Variants in DOLPP1 observed in about 807,000 individuals in gnomAD.
DOLPP1 encodes dolichyl pyrophosphate phosphatase 1.
DOLPP1 carries 15 observed loss-of-function variants against 34.1 expected under a neutral mutation model. That is an observed-to-expected ratio of 0.44 (90% CI 0.29 to 0.68). The LOEUF is 0.68. DOLPP1 is among the 30% of genes least tolerant of loss of function. The pLI is 0.12. For synonymous variants in DOLPP1, 130 were observed against 128.2 expected (o/e 1.01, Z -0.10); for missense variants, 249 against 307.1 (o/e 0.81, Z 1.41).
At chr9:129,087,209 A>G (rs921220149) in intron 7 of DOLPP1, among the ~76,000 whole-genome samples, 2 of 152,202 alleles carry the variant, frequency 1.3e-5, no homozygotes, top group Non-Finnish European at 2.9e-5. Flanking sequence ...TTGTGCAGCA[A>G]GTCAGGACAG....
chr9:129,081,308 C>A (rs1006993291), intron 1 of DOLPP1, 101 bp downstream of exon 1: 11 of 1,458,122 alleles, frequency 7.5e-6, no homozygotes, highest in South Asian at 1.2e-5. Flanking sequence ...GCCGGGGGAC[C>A]GGGGTGGGAA....
chr9:129,082,901 C>T (rs1347015998), intron 1 of DOLPP1, among the ~76,000 whole-genome samples: 1 of 152,198 alleles, frequency 6.6e-6, no homozygotes, highest in East Asian at 1.9e-4. Flanking sequence ...GTCTGGATGG[C>T]AGATTCTCCC....
rs1359450130 is a variant in DOLPP1, at chr9:129,081,146, A to G, written c.15A>G (p.Gly5=). 4 of 1,609,280 alleles carry G rather than the reference A, an allele frequency of 2.5e-6. No individual in the cohort carries two copies. Among genetic ancestry groups the G allele is most frequent in the South Asian group, 2.2e-5 (2 of 90,982 alleles). The change falls in exon 1 of 8, where the codon GGA becomes GGG. Residue 5 remains glycine, a synonymous_variant. Transcript: ENST00000372546. ...CTCCGGGTAAGATGGCAGCGGACGG[A>G]CAGTGCTCGCTCCCCGCTTCATGGC... is the stretch of plus-strand genomic sequence containing the variant. MAAD[G]QCSLPASWRP...
rs1465575071 is a variant in DOLPP1, at chr9:129,090,191, C to T, written c.*1184C>T. ...CCCTTTCTTTGTGGAGTTTCCTAAC[C>T]TGCTGCTGAAGCACAATGTTTTGGT... On this transcript the variant is annotated 3_prime_UTR_variant, in exon 8 of 8. Coordinates refer to ENST00000372546, the MANE Select transcript of DOLPP1 (RefSeq NM_020438.5). 2 of 152,620 alleles carry T rather than the reference C, an allele frequency of 1.3e-5. No individual in the cohort carries two copies. Among genetic ancestry groups the T allele is most frequent in the African/African-American group, 2.4e-5 (1 of 41,442 alleles). The allele number at this position is 152,620 out of a possible 1,614,324, so 9.5% of individuals were successfully genotyped here. A position where few individuals can be genotyped will look rare whatever the true frequency, so the allele number is the denominator to read the frequency against.
intron 1 of DOLPP1, among the ~76,000 whole-genome samples, chr9:129,082,804 G>C (rs1230927770): frequency 6.6e-6 from 1 of 152,206 alleles, no homozygotes; most frequent in Non-Finnish European, 1.5e-5. Flanking sequence ...CCTGTGCTGG[G>C]CTTGGGGGAT....
Position 129,085,193 on chromosome 9 carries a change from C to T in DOLPP1, c.263-14C>T, listed in dbSNP as rs758862977. The stretch of plus-strand genomic sequence containing the variant: ...GCATCCCCCCGTGATGCCCTGGTCT[C>T]CTCTCTCTCCCAGGCCCCCACACAG... On this transcript the variant is annotated splice_polypyrimidine_tract_variant and intron_variant, in intron 3 of 7. Transcript: ENST00000372546. The surrounding 1 kb of genome is among the most constrained non-coding windows in gnomAD (Gnocchi z 7.0). The T allele has an allele frequency of 6.2e-7, 1 of 1,612,736 alleles. No homozygotes were observed. The highest frequency in any genetic ancestry group is 2.2e-5 in the East Asian group (1 of 44,880).
In DOLPP1 at chr9:129,084,748, T is replaced by C; in HGVS notation, c.157T>C (p.Phe53Leu). Residue 53 changes from phenylalanine to leucine, a missense_variant, in exon 2 of 8, where the codon TTT becomes CTT. Coordinates refer to ENST00000372546, the MANE Select transcript of DOLPP1 (RefSeq NM_020438.5). ...VIVGFVTLIIFKRELHTISFL... is the reference protein window; with the variant it reads ...VIVGFVTLIILKRELHTISFL... ...CGTCGGTTTCGTGACCCTCATCATATTTAAGCGGGAGCTGCACACGGTGAG... is the reference window on the plus strand; with the variant it reads ...CGTCGGTTTCGTGACCCTCATCATACTTAAGCGGGAGCTGCACACGGTGAG... 1 of 1,613,028 alleles carries C rather than the reference T, an allele frequency of 6.2e-7. No individual in the cohort carries two copies. The highest frequency in any genetic ancestry group is 8.5e-7 in the Non-Finnish European group (1 of 1,179,058).
At chr9:129,081,260 C>T in intron 1 of DOLPP1, 53 bp downstream of exon 1, 3 of 1,596,090 alleles carry the variant, frequency 1.9e-6, no homozygotes, top group African/African-American at 1.3e-5. Context: ...GCCTCTCAGT[C>T]CCGGGCGCTC....
At chr9:129,086,307 C>T (rs771700352) in intron 6 of DOLPP1, 40 bp downstream of exon 6, 21 of 1,609,106 alleles carry the variant, frequency 1.3e-5, no homozygotes, top group Non-Finnish European at 1.7e-5. Flanking sequence ...TGGGCCCTGT[C>T]CCCTCCTGTG....
chr9:129,084,802 A>ATGGCCC, intron 2 of DOLPP1, 34 bp downstream of exon 2: 1 of 812,262 alleles, frequency 1.2e-6, no homozygotes, highest in Non-Finnish European at 1.7e-6. Flanking sequence ...TCCCCACCCC[A>ATGGCCC]CCCCCAGTGC....
rs530482435 is a variant in DOLPP1, at chr9:129,082,412, G to T, written c.76+1205G>T. On this transcript the variant is annotated intron_variant, in intron 1 of 7. Transcript: ENST00000372546. ...GAGTGCTAGGCCCTGGGCTAGCTCT[G>T]GTTTTTAGAATGCTTAACAGGCCTG... Among the ~76,000 whole-genome samples the T allele has an allele frequency of 5.3e-5, 8 of 152,296 alleles. No individual in the cohort carries two copies. The South Asian group carries it at 1.7e-3, about 32-fold the overall frequency.
intron 7 of DOLPP1, among the ~76,000 whole-genome samples, chr9:129,087,435 C>T (rs1186520734): frequency 2.0e-5 from 3 of 151,968 alleles, no homozygotes; most frequent in Non-Finnish European, 2.9e-5. Flanking sequence ...CCTGCCTCAG[C>T]CTCCCGAGTA....
intron 1 of DOLPP1, among the ~76,000 whole-genome samples, chr9:129,081,527 C>G (rs1210039166): frequency 6.6e-6 from 1 of 152,214 alleles, no homozygotes; most frequent in Admixed American, 6.5e-5. Context: ...TGGCCTGGAC[C>G]TTGGCCCTTC....
chr9:129,084,577 T>G (rs1261467664), intron 1 of DOLPP1, 91 bp from the exon 2 acceptor site: 39 of 974,510 alleles, frequency 4.0e-5, no homozygotes, highest in Non-Finnish European at 6.2e-5. Context: ...TGCCGGGACC[T>G]CCTTTCTGGA....
chr9:129,084,833 C>A, intron 2 of DOLPP1, 65 bp downstream of exon 2: 2 of 1,217,680 alleles, frequency 1.6e-6, no homozygotes, highest in Non-Finnish European at 2.3e-6. Context: ...CTTTGGGAAG[C>A]CCGTCCGCCC....
At position 129,086,088 on chromosome 9, in the gene DOLPP1, G is replaced by A. The variant is rs772126645; in HGVS notation, c.462-51G>A. On this transcript the variant is annotated intron_variant, in intron 5 of 7. Coordinates refer to ENST00000372546, the MANE Select transcript of DOLPP1 (RefSeq NM_020438.5). ...GGCACATGGGCAGTGGGGATTGTGC[G>A]GGCCTGTGTCTGACTGGCTCTCACA... 16 of 1,591,280 alleles carry A rather than the reference G, an allele frequency of 1.0e-5. No homozygotes were observed. In the South Asian group the frequency reaches 1.3e-4, roughly 13 times the overall value.
chr9:129,084,343 C>G (rs979381804), intron 1 of DOLPP1, among the ~76,000 whole-genome samples: 1 of 152,364 alleles, frequency 6.6e-6, no homozygotes, highest in Non-Finnish European at 1.5e-5. Context: ...TAGTCCTGGT[C>G]CCACCTCCTT....
chr9:129,081,275 C>T (rs892053672), intron 1 of DOLPP1, 68 bp downstream of exon 1: 3 of 1,576,544 alleles, frequency 1.9e-6, no homozygotes, highest in Admixed American at 1.8e-5. Flanking sequence ...GCGCTCCGGC[C>T]TGCTCGAGCC....
At chr9:129,081,350 C>G (rs1846884278) in intron 1 of DOLPP1, 143 bp downstream of exon 1, 6 of 1,069,856 alleles carry the variant, frequency 5.6e-6, no homozygotes, top group South Asian at 1.7e-5. Flanking sequence ...AGGGGCTCGG[C>G]CGGCGCGCGC....
Sources: gnomAD v4.1 joint callset for allele counts (sites outside exome capture counted in the v4.1 genomes callset) on GRCh38, gnomAD v4.1.1 for gene constraint, Gnocchi (gnomAD v3.1) non-coding constraint, MANE v1.5 for transcripts, NCBI Gene and HGNC (gene_info 2026-07-23, HGNC 2026-07-21) for gene names.